The following CC2D2A variants were observed in gnomAD, a reference collection of about 807,000 sequenced individuals.
CC2D2A encodes coiled-coil and C2 domain containing 2A.
A neutral mutation model predicts 212.9 loss-of-function variants in CC2D2A; 155 were observed. That is an observed-to-expected ratio of 0.73 (90% CI 0.64 to 0.83). The LOEUF is 0.83. Among genes scored for constraint, CC2D2A ranks in the 40% least tolerant of loss-of-function variants. CC2D2A has a pLI of 0.00. For synonymous variants in CC2D2A, 667 were observed against 686.5 expected, an observed-to-expected ratio of 0.97 and a Z score of 0.44; for missense variants, 1,856 against 1,956.2, an observed-to-expected ratio of 0.95 and a Z score of 0.97.
At chr4:15,569,073 G>A (rs1448398157) in intron 26 of CC2D2A, among the ~76,000 whole-genome samples, 1 of 152,228 alleles carries the variant, frequency 6.6e-6, no homozygotes, top group Non-Finnish European at 1.5e-5. Flanking sequence ...CAAGCCAGCA[G>A]AGGGTTTGTC....
chr4:15,560,658 T>C, intron 23 of CC2D2A, 36 bp downstream of exon 23: 1 of 876,042 alleles, frequency 1.1e-6, no homozygotes, highest in Non-Finnish European at 1.8e-6. Flanking sequence ...TCAATTCTTA[T>C]AAAAATTATT....
intron 4 of CC2D2A, among the ~76,000 whole-genome samples, chr4:15,499,265 G>A (rs1715786454): frequency 6.6e-6 from 1 of 152,114 alleles, no homozygotes; most frequent in Non-Finnish European, 1.5e-5. Flanking sequence ...TATGGGTTTT[G>A]GGTGATTGAT....
At chr4:15,480,659 A>C (rs776852514) in intron 3 of CC2D2A, 45 bp from the exon 4 acceptor site, 1 of 1,581,468 alleles carries the variant, frequency 6.3e-7, no homozygotes. Context: ...AACAGACTCA[A>C]ATAAAGTCCT....
At chr4:15,541,862 A>G (rs1718470149) in intron 17 of CC2D2A, among the ~76,000 whole-genome samples, 1 of 152,134 alleles carries the variant, frequency 6.6e-6, no homozygotes, top group Admixed American at 6.5e-5. Context: ...TGGTGGCTTC[A>G]AAACAACAGA....
chr4:15,600,312 G>C (rs549829212), intron 36 of CC2D2A, among the ~76,000 whole-genome samples: 1 of 152,124 alleles, frequency 6.6e-6, no homozygotes, highest in Non-Finnish European at 1.5e-5. Flanking sequence ...AAAAAGGCTT[G>C]AGCAATAGAG....
At chr4:15,552,171 G>A (rs987873682) in intron 18 of CC2D2A, among the ~76,000 whole-genome samples, 4 of 152,088 alleles carry the variant, frequency 2.6e-5, no homozygotes, top group Non-Finnish European at 4.4e-5. Flanking sequence ...AATTCCCATC[G>A]GTAGAGGCCA....
At chr4:15,541,947 G>A (rs977321970) in intron 17 of CC2D2A, among the ~76,000 whole-genome samples, 1 of 152,042 alleles carries the variant, frequency 6.6e-6, no homozygotes, top group African/African-American at 2.4e-5. Flanking sequence ...CCCTCCAAAA[G>A]CTCTAGAGGA....
intron 14 of CC2D2A, among the ~76,000 whole-genome samples, chr4:15,536,181 C>T (rs1389991413): frequency 6.6e-6 from 1 of 151,972 alleles, no homozygotes; most frequent in East Asian, 1.9e-4. Context: ...GTGGTTTCAC[C>T]ATCATTCTCA....
intron 35 of CC2D2A, among the ~76,000 whole-genome samples, chr4:15,598,771 T>G (rs1170431297): frequency 6.6e-6 from 1 of 152,164 alleles, no homozygotes; most frequent in African/African-American, 2.4e-5. Context: ...CCACAAATAT[T>G]TGAGGCTTTC....
chr4:15,568,789 A>C (rs190436198), intron 26 of CC2D2A, among the ~76,000 whole-genome samples: 6 of 152,306 alleles, frequency 3.9e-5, no homozygotes, highest in Admixed American at 3.9e-4. Context: ...ATGTTACAGG[A>C]GACCTTACCC....
intron 24 of CC2D2A, among the ~76,000 whole-genome samples, chr4:15,567,166 C>T (rs1475133480): frequency 1.3e-5 from 2 of 151,744 alleles, no homozygotes; most frequent in Non-Finnish European, 2.9e-5. Flanking sequence ...ACCTGTAGTC[C>T]CAGCTACTTG....
intron 13 of CC2D2A, 109 bp from the exon 14 acceptor site, chr4:15,533,084 A>G: frequency 1.2e-6 from 1 of 854,838 alleles, no homozygotes; most frequent in Non-Finnish European, 1.7e-6. Flanking sequence ...ACTTGTTTCA[A>G]AATACGGTAG....
intron 17 of CC2D2A, among the ~76,000 whole-genome samples, chr4:15,549,606 C>T (rs1229009874): frequency 6.6e-6 from 1 of 152,304 alleles, no homozygotes; most frequent in African/African-American, 2.4e-5. Context: ...AGTTTGAGAC[C>T]AGCCTGGCCA....
chr4:15,520,038 G>C (rs1320129579), intron 11 of CC2D2A, among the ~76,000 whole-genome samples: 3 of 152,150 alleles, frequency 2.0e-5, no homozygotes, highest in Admixed American at 2.0e-4. Context: ...AGAAAACACA[G>C]GCCCAGGCGG....
At chr4:15,479,432 A>T (rs1714476277) in intron 3 of CC2D2A, 14 of 939,450 alleles carry the variant, frequency 1.5e-5, no homozygotes, top group Non-Finnish European at 2.3e-5. Flanking sequence ...CAGGGGAGGG[A>T]GGGGAGAGAA....
chr4:15,572,444 TAA>T (rs925387854), intron 28 of CC2D2A, among the ~76,000 whole-genome samples: 4 of 152,096 alleles, frequency 2.6e-5, no homozygotes, highest in Non-Finnish European at 5.9e-5. Context: ...TTCTGTCATT[TAA>T]AAAGTTTGAC....
intron 4 of CC2D2A, chr4:15,481,918 T>A: frequency 2.0e-6 from 2 of 985,422 alleles, no homozygotes; most frequent in South Asian, 4.7e-5. Flanking sequence ...CCTGGTGACC[T>A]TGCCATTGAG....
intron 18 of CC2D2A, among the ~76,000 whole-genome samples, chr4:15,551,887 G>A (rs911189225): frequency 2.6e-5 from 4 of 151,970 alleles, no homozygotes; most frequent in South Asian, 2.1e-4. Context: ...ATTTAAGGCC[G>A]AATCCAATCC....
At position 15,555,084 on chromosome 4, in the gene CC2D2A, A is replaced by G; in HGVS notation, c.2499A>G (p.Lys833=). The G allele has an allele frequency of 6.2e-7, 1 of 1,612,134 alleles. No homozygotes were observed. The highest frequency in any genetic ancestry group is 8.5e-7 in the Non-Finnish European group (1 of 1,179,016). The change falls in exon 20 of 37, where the codon AAA becomes AAG. Residue 833 remains lysine (K), a synonymous_variant. Coordinates refer to ENST00000424120, the MANE Select transcript of CC2D2A (RefSeq NM_001378615.1). ...CTCTTCTTTTCAGTGCTTTGAAGAAAGCAGATGCCATCTCATCTATTGGCA... is the reference window on the plus strand; with the variant it reads ...CTCTTCTTTTCAGTGCTTTGAAGAAGGCAGATGCCATCTCATCTATTGGCA... ...QNIGFRSALK[K]ADAISSIGTS... is the part of the protein sequence containing the mutation.
Sources: allele counts gnomAD v4.1 joint callset (sites outside exome capture counted in the v4.1 genomes callset), GRCh38; gene constraint gnomAD v4.1.1; transcripts MANE v1.5; gene names NCBI Gene and HGNC (gene_info 2026-07-23, HGNC 2026-07-21).